Variants in FARP1 observed in about 807,000 individuals in gnomAD.
The protein encoded by FARP1 is FERM, ARHGEF and pleckstrin domain-containing protein 1.
A neutral mutation model predicts 128.8 loss-of-function variants in FARP1; 52 were observed. The observed-to-expected ratio is 0.40, with a 90% confidence interval of 0.32 to 0.51. The LOEUF is 0.51. FARP1 is among the 20% of genes least tolerant of loss of function. The pLI is 0.45. For missense variants in FARP1, 1,333 were observed against 1,367.9 expected (o/e 0.97, Z 0.40); for synonymous variants, 580 against 551.8 (o/e 1.05, Z -0.72).
intron 26 of FARP1, 116 bp downstream of exon 26, chr13:98,446,933 C>T (rs1301445568): frequency 8.7e-6 from 10 of 1,143,500 alleles, no homozygotes; most frequent in Admixed American, 6.0e-5. Context: ...GCCAACTAAG[C>T]GTTTAGACCT....
intron 13 of FARP1, chr13:98,397,253 T>C (rs1890584567): frequency 6.6e-6 from 1 of 152,218 alleles, no homozygotes; most frequent in South Asian, 2.1e-4. Flanking sequence ...GAAACTGAAA[T>C]CCTATTGAGT....
rs1016656943 is a variant in FARP1, at chr13:98,366,862, C to T, written c.320-1255C>T. Among the ~76,000 whole-genome samples, 133 of 152,040 alleles carry T rather than the reference C, an allele frequency of 8.7e-4. 2 individuals carry two copies. Among genetic ancestry groups the T allele is most frequent in the South Asian group, 6.2e-4 (3 of 4,826 alleles). Reference sequence around the variant, plus strand: ...CTCCCAATTTTGTACATATTGTCAACATCTTTATTGTATGTCATTTTTGCT... The same window carrying T: ...CTCCCAATTTTGTACATATTGTCAATATCTTTATTGTATGTCATTTTTGCT... On this transcript the variant is annotated intron_variant, in intron 4 of 26. Coordinates refer to ENST00000319562, the MANE Select transcript of FARP1 (RefSeq NM_005766.4).
intron 2 of FARP1, chr13:98,245,282 G>C: frequency 4.1e-6 from 4 of 983,996 alleles, no homozygotes; most frequent in Non-Finnish European, 4.8e-6. Context: ...TTAGAAAGGC[G>C]AATAAAGTCA....
Position 98,450,678 on chromosome 13 carries a change from G to C in FARP1, c.*2361G>C, listed in dbSNP as rs1893145383. On this transcript the variant is annotated 3_prime_UTR_variant, in exon 27 of 27. Coordinates refer to ENST00000319562, the MANE Select transcript of FARP1 (RefSeq NM_005766.4). ...AGGAGCAGCTCAGGGCTGGCACTGA[G>C]AGGCTACTGGTGACAGTAAACCCGT... The C allele has an allele frequency of 6.6e-6, 1 of 152,268 alleles. No individual in the cohort carries two copies. The highest frequency in any genetic ancestry group is 2.1e-4 in the South Asian group (1 of 4,834). The allele number at this position is 152,268 out of a possible 1,614,324, so 9.4% of individuals were successfully genotyped here.
In FARP1 at chr13:98,417,455, G is replaced by GGGAAAAAAAAAAAAAAAAA. The variant is rs1491453247; in HGVS notation, c.1826+5421_1826+5422insGGAAAAAAAAAAAAAAAAA. 6.8e-4 allele frequency among the ~76,000 whole-genome samples: 40 copies of GGGAAAAAAAAAAAAAAAAA among 58,470 alleles called. 4 individuals carry two copies. Among genetic ancestry groups the GGGAAAAAAAAAAAAAAAAA allele is most frequent in the South Asian group, 2.6e-3 (4 of 1,524 alleles). 38.4% of individuals were successfully genotyped at this position (58,470 alleles called of 152,430 possible). ...AGGAAACAGAGGCCACCAGAGGTTT[G>GGGAAAAAAAAAAAAAAAAA]AAAAAAAAAAAAAAAAAAAAAAAAA... On this transcript the variant is annotated intron_variant, in intron 16 of 26. Transcript: ENST00000319562.
chr13:98,319,148 A>C (rs1230447572), intron 2 of FARP1, among the ~76,000 whole-genome samples: 1 of 151,396 alleles, frequency 6.6e-6, no homozygotes, highest in Admixed American at 6.6e-5. Flanking sequence ...TATTTTTTGT[A>C]GAGATGGGGT....
At chr13:98,409,596 G>A (rs1823276035) in intron 14 of FARP1, 71 bp downstream of exon 14, 10 of 1,385,416 alleles carry the variant, frequency 7.2e-6, no homozygotes, top group Admixed American at 2.5e-5. Context: ...TTTAAAAATT[G>A]TACTAAAATA....
At chr13:98,282,766 C>T (rs1478737264) in intron 2 of FARP1, among the ~76,000 whole-genome samples, 2 of 151,882 alleles carry the variant, frequency 1.3e-5, no homozygotes, top group East Asian at 1.9e-4. Context: ...AGCTGGTGTG[C>T]GGCACGTGCC....
chr13:98,416,723 T>A (rs921299584), intron 16 of FARP1, among the ~76,000 whole-genome samples: 3 of 152,188 alleles, frequency 2.0e-5, no homozygotes, highest in African/African-American at 7.2e-5. Context: ...CTGAGGTGAC[T>A]GGCAGAGGCT....
At chr13:98,306,760 G>A (rs189488620) in intron 2 of FARP1, among the ~76,000 whole-genome samples, 110 of 152,194 alleles carry the variant, frequency 7.2e-4, no homozygotes, top group Middle Eastern at 6.8e-3. Flanking sequence ...CTGGCCTCAA[G>A]CAATCCTCCT....
intron 17 of FARP1, among the ~76,000 whole-genome samples, chr13:98,427,735 C>G (rs1157071581): frequency 6.6e-6 from 1 of 152,174 alleles, no homozygotes; most frequent in African/African-American, 2.4e-5. Flanking sequence ...TCTCCTCGGT[C>G]TGGGGAGCTG....
chr13:98,314,056 C>T (rs1886609121), intron 2 of FARP1, among the ~76,000 whole-genome samples: 1 of 152,138 alleles, frequency 6.6e-6, no homozygotes, highest in Non-Finnish European at 1.5e-5. Flanking sequence ...TGGGTCCAAG[C>T]TCAGGCATGT....
chr13:98,188,276 G>A (rs1336402368), intron 1 of FARP1, among the ~76,000 whole-genome samples: 2 of 152,158 alleles, frequency 1.3e-5, no homozygotes, highest in Non-Finnish European at 2.9e-5. Context: ...GTTTCAGGCC[G>A]GGTGCGGTGG....
intron 2 of FARP1, among the ~76,000 whole-genome samples, chr13:98,318,540 A>G (rs627846): frequency 0.21 from 32,680 of 152,054 alleles, 3,771 homozygotes; most frequent in Non-Finnish European, 0.26. Context: ...ATCTCACTTA[A>G]TCAGGGAAGA....
At chr13:98,237,610 AT>A (rs1202215981) in intron 2 of FARP1, among the ~76,000 whole-genome samples, 25 of 152,240 alleles carry the variant, frequency 1.6e-4, no homozygotes, top group African/African-American at 6.0e-4. Context: ...GTTCTTGCGT[AT>A]TTTTTCATCA....
At chr13:98,241,304 C>G (rs1882757549) in intron 2 of FARP1, among the ~76,000 whole-genome samples, 1 of 151,090 alleles carries the variant, frequency 6.6e-6, no homozygotes, top group South Asian at 2.1e-4. Context: ...ACGGCATGTG[C>G]TGGGGGCCCA....
At chr13:98,409,152 A>T (rs1180546516) in intron 13 of FARP1, among the ~76,000 whole-genome samples, 186 bp from the exon 14 acceptor site, 1 of 152,186 alleles carries the variant, frequency 6.6e-6, no homozygotes, top group Non-Finnish European at 1.5e-5. Flanking sequence ...AATCCTTCAT[A>T]CTTTGGTATC....
At chr13:98,343,939 C>A in intron 3 of FARP1, 73 bp downstream of exon 3, 1 of 960,060 alleles carries the variant, frequency 1.0e-6, no homozygotes, top group Non-Finnish European at 1.7e-6. Flanking sequence ...AGGGGCCAGT[C>A]TAAATGATTG....
chr13:98,292,957 C>A (rs968415102), intron 2 of FARP1, among the ~76,000 whole-genome samples: 1 of 151,754 alleles, frequency 6.6e-6, no homozygotes, highest in Non-Finnish European at 1.5e-5. Flanking sequence ...GAAAATATAA[C>A]CTATTTTAAT....
Sources: gnomAD v4.1 joint callset for allele counts (sites outside exome capture counted in the v4.1 genomes callset) on GRCh38, gnomAD v4.1.1 for gene constraint, MANE v1.5 for transcripts, NCBI Gene and HGNC (gene_info 2026-07-23, HGNC 2026-07-21) for gene names.